The following LCORL variants were observed in gnomAD, a reference collection of about 807,000 sequenced individuals.
LCORL encodes the protein ligand-dependent nuclear receptor corepressor-like protein.
A neutral mutation model predicts 141.8 loss-of-function variants in LCORL; 41 were observed. The ratio of observed to expected loss-of-function variants is 0.29; its 90% CI spans 0.23 to 0.38. The LOEUF (loss-of-function observed/expected upper bound fraction) is 0.38, where lower values mean the gene tolerates loss of function less well. Ranked by LOEUF, LCORL falls within the 10% of genes least tolerant of loss-of-function variation. The probability of loss-of-function intolerance (pLI) is 1.00; values close to 1 mark genes in which losing one functional copy is unlikely to be tolerated. For synonymous variants in LCORL, 618 were observed against 694.1 expected (o/e 0.89, Z 1.72); for missense variants, 1,759 against 2,035.0 (o/e 0.86, Z 2.61).
intron 1 of LCORL, among the ~76,000 whole-genome samples, chr4:17,980,815 A>G (rs1304825178): frequency 2.0e-5 from 3 of 152,128 alleles, no homozygotes; most frequent in Non-Finnish European, 4.4e-5. Flanking sequence ...GTTAGATCAG[A>G]TTCTCACAGG....
intron 7 of LCORL, 114 bp downstream of exon 7, chr4:17,873,274 G>A (rs552021841): frequency 3.2e-4 from 209 of 655,432 alleles, no homozygotes; most frequent in Admixed American, 4.8e-4. Context: ...AAATTAGGTT[G>A]TCCAAATATT....
intron 1 of LCORL, among the ~76,000 whole-genome samples, chr4:18,009,846 G>A (rs905652110): frequency 6.6e-6 from 1 of 151,860 alleles, no homozygotes; most frequent in Non-Finnish European, 1.5e-5. Flanking sequence ...CAACCCCCAT[G>A]GACACCCTCC....
At chr4:18,012,218 T>G (rs1723920574) in intron 1 of LCORL, among the ~76,000 whole-genome samples, 1 of 152,208 alleles carries the variant, frequency 6.6e-6, no homozygotes, top group Admixed American at 6.5e-5. Context: ...GATTAATGTT[T>G]TAAAAGTCAT....
chr4:17,843,223 G>A, exon 8 of LCORL: 1 of 1,485,102 alleles, frequency 6.7e-7, no homozygotes, highest in Non-Finnish European at 9.1e-7. Flanking sequence ...ATGTGAGTCA[G>A]AAACAAAAAA....
chr4:17,912,512 CAGCAGATTG>C, intron 4 of LCORL: 1 of 493,154 alleles, frequency 2.0e-6, no homozygotes, highest in South Asian at 1.6e-5. Context: ...TTACTGGTCT[CAGCAGATTG>C]AGGAGAGCAC....
chr4:17,916,643 CTTTTTT>C (rs1057287592), intron 4 of LCORL, among the ~76,000 whole-genome samples: 3 of 113,134 alleles, frequency 2.7e-5, no homozygotes, highest in Non-Finnish European at 3.6e-5. Flanking sequence ...AATTAAATGT[CTTTTTT>C]TTTTTTTTTT....
At chr4:17,943,841 A>G (rs949200239) in intron 4 of LCORL, among the ~76,000 whole-genome samples, 6 of 152,188 alleles carry the variant, frequency 3.9e-5, no homozygotes, top group Non-Finnish European at 8.8e-5. Flanking sequence ...ACACATTATC[A>G]TAAGAATCCA....
At chr4:17,892,468 C>T (rs1729260746) in intron 5 of LCORL, among the ~76,000 whole-genome samples, 1 of 152,086 alleles carries the variant, frequency 6.6e-6, no homozygotes. Flanking sequence ...CCTTGGCCTC[C>T]CAAAGTGCTG....
rs568267150 is a variant in LCORL at position 17,966,104 on chromosome 4, C to T, written c.221-3055G>A. On this transcript the variant is annotated intron_variant, in intron 2 of 7. Coordinates refer to ENST00000635767, the Ensembl canonical transcript of LCORL. ...TACATATTAACTATATTGAAAAGTA[C>T]AAAGGAGAAAAGAAAAATTCATAAT... is the stretch of plus-strand genomic sequence containing the variant. Among the ~76,000 whole-genome samples the T allele has an allele frequency of 1.2e-4, 18 of 151,958 alleles. 1 individual carries two copies. The South Asian group carries it at 2.9e-3, about 25-fold the overall frequency.
intron 5 of LCORL, among the ~76,000 whole-genome samples, chr4:17,897,120 T>C (rs909250425): frequency 2.6e-5 from 4 of 151,458 alleles, no homozygotes; most frequent in Non-Finnish European, 5.9e-5. Flanking sequence ...ATTTGTCTGC[T>C]GATGGACACT....
intron 4 of LCORL, among the ~76,000 whole-genome samples, chr4:17,932,113 C>T (rs1477545904): frequency 2.0e-5 from 3 of 152,154 alleles, no homozygotes; most frequent in African/African-American, 2.4e-5. Context: ...TTCAATTTGC[C>T]GTCCATACTT....
At chr4:17,940,129 T>C (rs1267343111) in intron 4 of LCORL, among the ~76,000 whole-genome samples, 1 of 146,344 alleles carries the variant, frequency 6.8e-6, no homozygotes, top group Non-Finnish European at 1.5e-5. Context: ...TATATATATG[T>C]ATATGTGTAT....
chr4:17,848,033 T>C (rs997564510), intron 7 of LCORL, among the ~76,000 whole-genome samples: 9 of 152,228 alleles, frequency 5.9e-5, no homozygotes, highest in African/African-American at 7.2e-5. Context: ...AAGAATACTT[T>C]AATAAACTAC....
At chr4:17,976,423 T>C (rs142202645) in intron 1 of LCORL, among the ~76,000 whole-genome samples, 99 of 152,284 alleles carry the variant, frequency 6.5e-4, no homozygotes, top group Admixed American at 1.1e-3. Flanking sequence ...GCCATACCTC[T>C]TCTAGTTTTT....
chr4:17,915,135 T>C (rs1017736084), intron 4 of LCORL, among the ~76,000 whole-genome samples: 39 of 152,092 alleles, frequency 2.6e-4, no homozygotes, highest in African/African-American at 8.0e-4. Flanking sequence ...CCTTCTCCCC[T>C]TCATTTGTCT....
chr4:17,959,836 T>C (rs983947951), intron 4 of LCORL, among the ~76,000 whole-genome samples: 2 of 152,114 alleles, frequency 1.3e-5, no homozygotes, highest in Non-Finnish European at 1.5e-5. Context: ...ACTAAAAAGA[T>C]GTTTTAACAA....
intron 4 of LCORL, among the ~76,000 whole-genome samples, chr4:17,920,590 T>C (rs1320604058): frequency 6.6e-6 from 1 of 152,224 alleles, no homozygotes; most frequent in Non-Finnish European, 1.5e-5. Flanking sequence ...CTCTGTAGCA[T>C]GTGATGCTAT....
At chr4:17,969,315 A>G (rs1306809049) in intron 2 of LCORL, among the ~76,000 whole-genome samples, 1 of 152,200 alleles carries the variant, frequency 6.6e-6, no homozygotes, top group Non-Finnish European at 1.5e-5. Context: ...AAGACAGACT[A>G]AAGAAGATTT....
At chr4:17,882,850 T>C (rs762694962) in intron 6 of LCORL, 12 of 983,278 alleles carry the variant, frequency 1.2e-5, no homozygotes, top group Non-Finnish European at 1.4e-5. Context: ...TCTGTGCACA[T>C]TATAAACATG....
Sources: gnomAD v4.1 joint callset for allele counts (sites outside exome capture counted in the v4.1 genomes callset) on GRCh38, gnomAD v4.1.1 for gene constraint, MANE v1.5 for transcripts, NCBI Gene and HGNC (gene_info 2026-07-23, HGNC 2026-07-21) for gene names.